The following LRGUK variants were observed in gnomAD, a reference collection of about 807,000 sequenced individuals.
The protein encoded by LRGUK is leucine rich repeats and guanylate kinase domain containing, also known as leucine-rich repeat and guanylate kinase domain-containing protein.
LRGUK carries 65 observed loss-of-function variants against 76.0 expected under a neutral mutation model. That is an observed-to-expected ratio of 0.85 (90% CI 0.70 to 1.05). The LOEUF is 1.05. Ranked by LOEUF, LRGUK falls within the 50% of genes least tolerant of loss-of-function variation. The pLI is 0.00. For missense variants in LRGUK, 758 were observed against 732.8 expected (o/e 1.03, Z -0.40); for synonymous variants, 268 against 265.6 (o/e 1.01, Z -0.09).
chr7:134,248,069 A>C (rs1001143649), intron 17 of LRGUK, among the ~76,000 whole-genome samples: 1 of 152,238 alleles, frequency 6.6e-6, no homozygotes, highest in African/African-American at 2.4e-5. Context: ...TGCCATGTCA[A>C]AACAGAGTGA....
intron 14 of LRGUK, among the ~76,000 whole-genome samples, chr7:134,200,558 C>T (rs1800727322): frequency 6.6e-6 from 1 of 151,524 alleles, no homozygotes; most frequent in Non-Finnish European, 1.5e-5. Flanking sequence ...AAACTAATAA[C>T]ACTGATTACC....
At chr7:134,166,050 G>GTACTTT (rs200822270) in intron 7 of LRGUK, among the ~76,000 whole-genome samples, 19,921 of 151,696 alleles carry the variant, frequency 0.13, 1,633 homozygotes, top group East Asian at 0.32. Context: ...GCAACCCGCA[G>GTACTTT]GCTCCCCAAA....
chr7:134,196,777 A>G (rs1037507785), intron 12 of LRGUK, among the ~76,000 whole-genome samples: 6 of 152,056 alleles, frequency 3.9e-5, no homozygotes, highest in Non-Finnish European at 8.8e-5. Flanking sequence ...TTATTTCTAA[A>G]AACCTATTTT....
chr7:134,191,628 A>G, intron 11 of LRGUK, 27 bp from the exon 12 acceptor site: 1 of 1,422,180 alleles, frequency 7.0e-7, no homozygotes, highest in Non-Finnish European at 9.9e-7. Context: ...TTAGAAATGG[A>G]CTAGGTGATC....
exon 16 of LRGUK, chr7:134,209,304 A>G: frequency 2.5e-6 from 1 of 399,340 alleles, no homozygotes; most frequent in East Asian, 3.6e-5. Flanking sequence ...GAGTCAGACA[A>G]ACTTCCACCC....
At chr7:134,259,454 A>T (rs1182280283) in intron 19 of LRGUK, among the ~76,000 whole-genome samples, 2 of 152,124 alleles carry the variant, frequency 1.3e-5, no homozygotes, top group Non-Finnish European at 2.9e-5. Flanking sequence ...TGTAGTCTTG[A>T]GGGGATGTTT....
At chr7:134,142,537 T>G (rs1797807791) in intron 3 of LRGUK, among the ~76,000 whole-genome samples, 1 of 152,248 alleles carries the variant, frequency 6.6e-6, no homozygotes, top group South Asian at 2.1e-4. Flanking sequence ...AGCAATGAGT[T>G]AAATCACTTC....
chr7:134,142,910 T>G lies in LRGUK; in HGVS notation c.488-152T>G, dbSNP rs1177078125. 5.5e-6 allele frequency: 3 copies of G among 541,690 alleles called. No individual in the cohort carries two copies. The Admixed American group carries it at 1.1e-4, about 19-fold the overall frequency. The allele number at this position is 541,690 out of a possible 1,614,324, so 33.6% of individuals were successfully genotyped here. ...TTTTTTTGTATATTTCACATACTCCTGATTTTATTCCTTTCACTCATATGG... is the reference window on the plus strand; with the variant it reads ...TTTTTTTGTATATTTCACATACTCCGGATTTTATTCCTTTCACTCATATGG... On this transcript the variant is annotated intron_variant, in intron 3 of 15. Coordinates refer to ENST00000645682, the Ensembl canonical transcript of LRGUK.
chr7:134,148,244 GATTTTTC>G lies in LRGUK; in HGVS notation c.596_602del (p.Asp199AlafsTer20). On this transcript the variant is annotated frameshift_variant, in exon 5 of 16. Coordinates refer to ENST00000645682, the Ensembl canonical transcript of LRGUK. LOFTEE classifies it high-confidence loss of function. ...GTTCTCTTTCTCTTGCCAGAAGGCG[GATTTTTC>G]CCACAACCAAATTTCTGAAATTTGT... 1 of 1,601,520 alleles carries G rather than the reference GATTTTTC, an allele frequency of 6.2e-7. No homozygotes were observed. The highest frequency in any genetic ancestry group is 8.5e-7 in the Non-Finnish European group (1 of 1,174,592).
rs1350981988 is a variant in LRGUK at position 134,135,627 on chromosome 7, G to A, written c.298-1396G>A. Among the ~76,000 whole-genome samples, 5 of 152,268 alleles carry A rather than the reference G, an allele frequency of 3.3e-5. No individual in the cohort carries two copies. The South Asian group carries it at 1.0e-3, about 32-fold the overall frequency. On this transcript the variant is annotated intron_variant, in intron 1 of 15. Transcript: ENST00000645682. ...ACACATCCAAAATGGCAGGGCTGGG[G>A]TTCAAGCCATGCCTGCCCAATTCTG...
At chr7:134,268,326 G>A (rs1802898043), downstream of LRGUK, among the ~76,000 whole-genome samples, 1 of 151,990 alleles carries the variant, frequency 6.6e-6, no homozygotes, top group South Asian at 2.1e-4. Flanking sequence ...AAGATAATAA[G>A]GAAATACTAC....
intron 5 of LRGUK, among the ~76,000 whole-genome samples, chr7:134,152,369 G>A (rs1331687612): frequency 3.9e-5 from 6 of 151,964 alleles, no homozygotes; most frequent in Admixed American, 2.6e-4. Flanking sequence ...GGGTGTTGAA[G>A]ACCTAACTAA....
intron 1 of LRGUK, among the ~76,000 whole-genome samples, chr7:134,136,713 C>T (rs1257860411): frequency 6.6e-6 from 1 of 152,108 alleles, no homozygotes; most frequent in Admixed American, 6.5e-5. Context: ...GAATAGAGAA[C>T]CCCTCAATCA....
chr7:134,212,099 G>T (rs1801297665), downstream of LRGUK, among the ~76,000 whole-genome samples: 1 of 152,210 alleles, frequency 6.6e-6, no homozygotes, highest in South Asian at 2.1e-4. Context: ...ACCTCTGGAA[G>T]CTCCCACTAC....
At chr7:134,255,645 G>A (rs557651917) in intron 18 of LRGUK, among the ~76,000 whole-genome samples, 7 of 152,110 alleles carry the variant, frequency 4.6e-5, no homozygotes, top group South Asian at 2.1e-4. Context: ...CAGCATCTCC[G>A]ACATAATTCA....
chr7:134,220,166 T>A (rs1469703752), intron 15 of LRGUK, among the ~76,000 whole-genome samples: 1 of 152,208 alleles, frequency 6.6e-6, no homozygotes, highest in East Asian at 1.9e-4. Flanking sequence ...CATACAGTTG[T>A]CTCATTTTGT....
chr7:134,263,620 T>TTTC (rs1198547109), intron 19 of LRGUK, among the ~76,000 whole-genome samples: 4 of 147,022 alleles, frequency 2.7e-5, no homozygotes, highest in African/African-American at 1.0e-4. Flanking sequence ...ATGTCATTTC[T>TTTC]TTCTTTTTTT....
chr7:134,216,127 C>T (rs570425883), intron 15 of LRGUK, among the ~76,000 whole-genome samples: 3 of 152,194 alleles, frequency 2.0e-5, no homozygotes, highest in Non-Finnish European at 4.4e-5. Context: ...GTACCTACCT[C>T]AGTATTTTTA....
chr7:134,197,796 G>T (rs1004605279), intron 13 of LRGUK, among the ~76,000 whole-genome samples: 1 of 151,954 alleles, frequency 6.6e-6, no homozygotes, highest in Non-Finnish European at 1.5e-5. Flanking sequence ...GTAAAACTAT[G>T]AATTTCCCAC....
Sources: gnomAD v4.1 joint callset for allele counts (sites outside exome capture counted in the v4.1 genomes callset) on GRCh38, gnomAD v4.1.1 for gene constraint, MANE v1.5 for transcripts, NCBI Gene and HGNC (gene_info 2026-07-23, HGNC 2026-07-21) for gene names.